The following RTTN variants were observed in gnomAD, a reference collection of about 807,000 sequenced individuals.
RTTN encodes rotatin.
In RTTN, 182 loss-of-function variants were observed where a neutral mutation model predicts 269.2. The observed-to-expected ratio is 0.68, with a 90% confidence interval of 0.60 to 0.76. The LOEUF is 0.76. Ranked by LOEUF, RTTN falls within the 30% of genes least tolerant of loss-of-function variation. The pLI, the probability that RTTN is intolerant of heterozygous loss-of-function variation, is 0.00. For synonymous variants in RTTN, 1,006 were observed against 963.5 expected (o/e 1.04, Z -0.82); for missense variants, 2,545 against 2,608.6 (o/e 0.98, Z 0.53).
chr18:70,028,691 C>T (rs760217676), intron 43 of RTTN, 33 bp downstream of exon 43: 2 of 1,289,208 alleles, frequency 1.6e-6, no homozygotes, highest in Non-Finnish European at 2.2e-6. Flanking sequence ...TACCAGTACT[C>T]CTATTAAAAT....
At chr18:70,096,951 T>C (rs963487441) in intron 28 of RTTN, among the ~76,000 whole-genome samples, 4 of 152,130 alleles carry the variant, frequency 2.6e-5, no homozygotes, top group African/African-American at 9.7e-5. Context: ...ACTTGAAAAA[T>C]AAAATATCTA....
intron 9 of RTTN, 83 bp downstream of exon 9, chr18:70,190,455 T>C (rs1047433486): frequency 1.1e-5 from 11 of 1,006,144 alleles, no homozygotes; most frequent in South Asian, 3.3e-5. Flanking sequence ...GGCCCTAACA[T>C]AGAAGAGAAA....
chr18:70,188,864 C>CA (rs200245653), intron 9 of RTTN, among the ~76,000 whole-genome samples: 1 of 57,552 alleles, frequency 1.7e-5, no homozygotes, highest in Non-Finnish European at 9.0e-5. Flanking sequence ...GAGACTTTCC[C>CA]ACCCCGCATC....
chr18:70,134,421 T>A (rs2060071958), intron 23 of RTTN, 52 bp downstream of exon 23: 1 of 1,310,744 alleles, frequency 7.6e-7, no homozygotes, highest in African/African-American at 1.5e-5. Context: ...TGATTTCCCT[T>A]TCTGTAACAA....
intron 28 of RTTN, among the ~76,000 whole-genome samples, chr18:70,094,436 T>C (rs945497821): frequency 2.9e-4 from 44 of 151,450 alleles, no homozygotes; most frequent in African/African-American, 1.0e-3. Context: ...TGTGGGCATT[T>C]GGTGAAACAC....
At chr18:70,074,360 T>A (rs1165486649) in intron 33 of RTTN, among the ~76,000 whole-genome samples, 1 of 152,060 alleles carries the variant, frequency 6.6e-6, no homozygotes, top group Non-Finnish European at 1.5e-5. Context: ...TCTAAACAAT[T>A]AAGTGAGTCA....
chr18:70,117,931 G>C (rs546308041), intron 26 of RTTN, among the ~76,000 whole-genome samples: 269 of 151,964 alleles, frequency 1.8e-3, no homozygotes, highest in African/African-American at 6.3e-3. Flanking sequence ...AATATCATGA[G>C]ACAAACAAAA....
intron 10 of RTTN, among the ~76,000 whole-genome samples, chr18:70,187,863 TCA>T (rs2061581983): frequency 6.6e-6 from 1 of 152,198 alleles, no homozygotes; most frequent in African/African-American, 2.4e-5. Context: ...AAGAATGATA[TCA>T]CAGTAGCTAT....
intron 44 of RTTN, among the ~76,000 whole-genome samples, chr18:70,022,151 C>T (rs1278531147): frequency 6.6e-6 from 1 of 152,120 alleles, no homozygotes; most frequent in Non-Finnish European, 1.5e-5. Flanking sequence ...GGTGTGTTTA[C>T]TTTCCTTCCT....
chr18:70,115,979 T>G (rs1032778524), intron 26 of RTTN, among the ~76,000 whole-genome samples: 3 of 151,994 alleles, frequency 2.0e-5, no homozygotes, highest in Admixed American at 6.6e-5. Flanking sequence ...ATCTAAATAG[T>G]TTTTTTCCCA....
Position 70,086,636 on chromosome 18 carries a change from T to C in RTTN, c.4351A>G (p.Ile1451Val), listed in dbSNP as rs748571412. Residue 1451 changes from isoleucine to valine, a missense_variant, in exon 32 of 49, where the codon ATT becomes GTT. Ile to Val is a conservative substitution (Grantham distance 29, BLOSUM62 3). Transcript: ENST00000640769. ...ACCTGCCAAGTATAATCCTTTATAATTTCTGTAGGCATTGGAATTACAAGG... is the reference window on the plus strand; with the variant it reads ...ACCTGCCAAGTATAATCCTTTATAACTTCTGTAGGCATTGGAATTACAAGG... The part of the protein sequence containing the change: ...NLLVIPMPTE[I>V]IKDYTWQGPC... 11 of 1,589,266 alleles carry C rather than the reference T, an allele frequency of 6.9e-6. No homozygotes were observed. The highest frequency in any genetic ancestry group is 1.1e-5 in the South Asian group (1 of 87,002).
At chr18:70,095,127 C>CTTTTTT (rs138773918) in intron 28 of RTTN, among the ~76,000 whole-genome samples, 2 of 145,680 alleles carry the variant, frequency 1.4e-5, no homozygotes, top group Non-Finnish European at 3.0e-5. Context: ...GCAACTCCTG[C>CTTTTTT]TTTTTTTTTT....
intron 41 of RTTN, 99 bp downstream of exon 41, chr18:70,030,777 T>C (rs2145592317): frequency 1.1e-6 from 1 of 872,686 alleles, no homozygotes; most frequent in Non-Finnish European, 1.8e-6. Flanking sequence ...ATACTATACG[T>C]TTTTTACATT....
In RTTN at chr18:70,139,597, A is replaced by C. The variant is rs769131011; in HGVS notation, c.2788+2T>G. On this transcript the variant is annotated splice_donor_variant, in intron 21 of 48. Coordinates refer to ENST00000640769, the MANE Select transcript of RTTN (RefSeq NM_173630.4). LOFTEE classifies it high-confidence loss of function. Reference sequence around the variant, plus strand: ...ATTATTAGCAGATTTTCTTTTATTTACCTCTGAATAACACGGTCAAAAGAG... The same window carrying C: ...ATTATTAGCAGATTTTCTTTTATTTCCCTCTGAATAACACGGTCAAAAGAG... The C allele has an allele frequency of 3.2e-6, 5 of 1,565,560 alleles. No homozygotes were observed. The East Asian group carries it at 1.1e-4, about 35-fold the overall frequency.
chr18:70,135,104 C>T, intron 22 of RTTN, 80 bp downstream of exon 22: 1 of 781,806 alleles, frequency 1.3e-6, no homozygotes, highest in East Asian at 3.0e-5. Context: ...TCAGAAATTT[C>T]CATGCCTTGC....
chr18:70,203,978 G>T, intron 3 of RTTN, 108 bp downstream of exon 3: 1 of 826,384 alleles, frequency 1.2e-6, no homozygotes. Flanking sequence ...AGAAAAATAA[G>T]TTTGGGGGAG....
Position 70,145,738 on chromosome 18 carries a change from A to G in RTTN, c.2355T>C (p.Ser785=), listed in dbSNP as rs200600259. 3.4e-4 allele frequency: 556 copies of G among 1,613,364 alleles called. 1 individual carries two copies. The highest frequency in any genetic ancestry group is 1.3e-3 in the Middle Eastern group (8 of 6,056). ...GACGCTTTGTATCAGCCCCTTCTTCACTGGTAAGATGGAATGCTAAAAGCT... is the reference window on the plus strand; with the variant it reads ...GACGCTTTGTATCAGCCCCTTCTTCGCTGGTAAGATGGAATGCTAAAAGCT... ...ALKLLAFHLT[S]EEGADTKRPL... The change falls in exon 18 of 49, where the codon AGT becomes AGC. Residue 785 remains serine (S), a synonymous_variant. Transcript: ENST00000640769.
At chr18:70,120,978 G>C (rs1012471275) in intron 26 of RTTN, among the ~76,000 whole-genome samples, 1 of 152,042 alleles carries the variant, frequency 6.6e-6, no homozygotes, top group Non-Finnish European at 1.5e-5. Flanking sequence ...TTGAACCCAG[G>C]AGGCAGAGGT....
intron 11 of RTTN, among the ~76,000 whole-genome samples, chr18:70,170,351 T>G (rs1480364134): frequency 6.6e-6 from 1 of 152,156 alleles, no homozygotes; most frequent in Non-Finnish European, 1.5e-5. Flanking sequence ...CTTCCTAAGA[T>G]GTTAGGTGTG....
Sources: allele counts gnomAD v4.1 joint callset (sites outside exome capture counted in the v4.1 genomes callset), GRCh38; gene constraint gnomAD v4.1.1; transcripts MANE v1.5; gene names NCBI Gene and HGNC (gene_info 2026-07-23, HGNC 2026-07-21).